Variants in UBE2QL1 observed in about 807,000 individuals in gnomAD.
The protein encoded by UBE2QL1 is ubiquitin-conjugating enzyme E2Q-like protein 1.
UBE2QL1 carries 5 observed loss-of-function variants against 12.6 expected under a neutral mutation model. The ratio of observed to expected loss-of-function variants is 0.40; its 90% CI spans 0.21 to 0.83. UBE2QL1 has a LOEUF of 0.83. Among genes scored for constraint, UBE2QL1 ranks in the 40% least tolerant of loss-of-function variants. The pLI, the probability that UBE2QL1 is intolerant of heterozygous loss-of-function variation, is 0.37. For missense variants in UBE2QL1, 99 were observed against 222.6 expected (o/e 0.44, Z 3.53); for synonymous variants, 96 against 94.5 (o/e 1.02, Z -0.10).
chr5:6,469,526 A>G (rs1380255462), intron 1 of UBE2QL1, among the ~76,000 whole-genome samples: 1 of 147,808 alleles, frequency 6.8e-6, no homozygotes, highest in East Asian at 1.9e-4. Context: ...AATTATGTAT[A>G]TCTATATCCT....
intron 1 of UBE2QL1, among the ~76,000 whole-genome samples, chr5:6,463,002 C>T (rs1739707764): frequency 6.6e-6 from 1 of 152,316 alleles, no homozygotes; most frequent in Non-Finnish European, 1.5e-5. Flanking sequence ...TCAGAGTGTG[C>T]ATCTCTAAAT....
At chr5:6,466,183 C>T (rs1228828862) in intron 1 of UBE2QL1, among the ~76,000 whole-genome samples, 1 of 152,228 alleles carries the variant, frequency 6.6e-6, no homozygotes, top group Admixed American at 6.5e-5. Flanking sequence ...CTAGCCACTT[C>T]TTCCCCTCCC....
chr5:6,469,675 T>C (rs1045571865), intron 1 of UBE2QL1, among the ~76,000 whole-genome samples: 5 of 152,018 alleles, frequency 3.3e-5, no homozygotes, highest in Admixed American at 6.6e-5. Context: ...TATACACTTA[T>C]ATGTTTACAT....
At position 6,478,830 on chromosome 5, in the gene UBE2QL1, G is replaced by C. The variant is rs572941655; in HGVS notation, c.355-12388G>C. On this transcript the variant is annotated intron_variant, in intron 1 of 1. Coordinates refer to ENST00000399816, the MANE Select transcript of UBE2QL1 (RefSeq NM_001145161.3). The surrounding 1 kb of genome is among the most constrained non-coding windows in gnomAD (Gnocchi z 4.5). ...CTGCGCACGTGGGAGAGTGATCCTA[G>C]GACGTGCAGATGCATTCTGTCAGGA... Among the ~76,000 whole-genome samples the C allele has an allele frequency of 1.3e-5, 2 of 152,226 alleles. No homozygotes were observed. The highest frequency in any genetic ancestry group is 1.9e-4 in the East Asian group (1 of 5,178).
chr5:6,471,248 A>G (rs1739907673), intron 1 of UBE2QL1, among the ~76,000 whole-genome samples: 1 of 152,174 alleles, frequency 6.6e-6, no homozygotes, highest in Non-Finnish European at 1.5e-5. Context: ...ATAGCCCATT[A>G]TCCTAAAACT....
chr5:6,459,036 C>T (rs1018169201), intron 1 of UBE2QL1, among the ~76,000 whole-genome samples: 2 of 151,968 alleles, frequency 1.3e-5, no homozygotes, highest in South Asian at 4.2e-4. Context: ...TCCACAGTAG[C>T]GGGTTAGGAT....
intron 1 of UBE2QL1, among the ~76,000 whole-genome samples, chr5:6,450,090 C>CA (rs556701404): frequency 0.15 from 16,987 of 113,324 alleles, 1,139 homozygotes; most frequent in South Asian, 0.22. Context: ...GACCAGACCC[C>CA]CCCCCCCCAC....
chr5:6,450,911 T>C (rs1403632038), intron 1 of UBE2QL1, among the ~76,000 whole-genome samples: 1 of 152,238 alleles, frequency 6.6e-6, no homozygotes, highest in African/African-American at 2.4e-5. Flanking sequence ...GATGAAAGGT[T>C]CATGTGATAG....
At chr5:6,473,562 T>C (rs1734141682) in intron 1 of UBE2QL1, among the ~76,000 whole-genome samples, 1 of 152,232 alleles carries the variant, frequency 6.6e-6, no homozygotes, top group Non-Finnish European at 1.5e-5. Context: ...ACATGGCTAT[T>C]TGTGGAGCAT....
At chr5:6,455,774 C>G (rs1341749682) in intron 1 of UBE2QL1, among the ~76,000 whole-genome samples, 2 of 152,086 alleles carry the variant, frequency 1.3e-5, no homozygotes, top group South Asian at 4.2e-4. Flanking sequence ...CACCAGTAAC[C>G]ACAGCCCAGA....
rs749920377 is a variant in UBE2QL1, at chr5:6,472,144, C to T, written c.355-19074C>T. 2.6e-5 allele frequency among the ~76,000 whole-genome samples: 4 copies of T among 152,150 alleles called. No homozygotes were observed. The East Asian group carries it at 5.8e-4, about 22-fold the overall frequency. ...TCACCCAGAACTTGGGCTGGTGGGC[C>T]GGCTGTGTCACTGTGTGTGTGTCTG... On this transcript the variant is annotated intron_variant, in intron 1 of 1. Transcript: ENST00000399816.
intron 1 of UBE2QL1, among the ~76,000 whole-genome samples, chr5:6,457,637 A>G (rs1739556403): frequency 6.6e-6 from 1 of 152,190 alleles, no homozygotes; most frequent in Non-Finnish European, 1.5e-5. Flanking sequence ...TCCTTGTAGC[A>G]GCCTAAGAGG....
At chr5:6,456,013 G>A (rs1440494930) in intron 1 of UBE2QL1, among the ~76,000 whole-genome samples, 1 of 152,182 alleles carries the variant, frequency 6.6e-6, no homozygotes, top group African/African-American at 2.4e-5. Flanking sequence ...AGACGCAGCT[G>A]CGGAGGGTGG....
Position 6,494,990 on chromosome 5 carries a change from A to G in UBE2QL1, c.*3641A>G, listed in dbSNP as rs905221494. 2 of 152,258 alleles carry G rather than the reference A, an allele frequency of 1.3e-5. No individual in the cohort carries two copies. The highest frequency in any genetic ancestry group is 4.8e-5 in the African/African-American group (2 of 41,464). 9.4% of individuals were successfully genotyped at this position (152,258 alleles called of 1,614,324 possible). A position where few individuals can be genotyped will look rare whatever the true frequency, so the allele number is the denominator to read the frequency against. ...CACTGCAGAAATTAAAGACATGTGC[A>G]AGTCCAGAGATTTTCTGACTGAAAA... On this transcript the variant is annotated 3_prime_UTR_variant, in exon 2 of 2. Coordinates refer to ENST00000399816, the MANE Select transcript of UBE2QL1 (RefSeq NM_001145161.3).
In UBE2QL1 at chr5:6,461,546, C is replaced by A. The variant is rs1017512564; in HGVS notation, c.354+12299C>A. 1.9e-4 allele frequency among the ~76,000 whole-genome samples: 21 copies of A among 112,650 alleles called. 4 individuals are homozygous for A. The highest frequency in any genetic ancestry group is 6.0e-4 in the African/African-American group (19 of 31,552). 73.9% of individuals were successfully genotyped at this position (112,650 alleles called of 152,430 possible). On this transcript the variant is annotated intron_variant, in intron 1 of 1. Coordinates refer to ENST00000399816, the MANE Select transcript of UBE2QL1 (RefSeq NM_001145161.3). The stretch of plus-strand genomic sequence containing the variant: ...CCAGTGTTTTTCAGCACCCACCACC[C>A]CCCCCCGCCGGCATATCATTCTAGG...
intron 1 of UBE2QL1, among the ~76,000 whole-genome samples, chr5:6,475,980 T>C (rs2126358050): frequency 6.6e-6 from 1 of 152,332 alleles, no homozygotes; most frequent in East Asian, 1.9e-4. Context: ...GAAAGAATGC[T>C]TTATGAAATA....
chr5:6,481,143 A>C lies in UBE2QL1; in HGVS notation c.355-10075A>C, dbSNP rs1734350673. 6.6e-6 allele frequency among the ~76,000 whole-genome samples: 1 copy of C among 152,080 alleles called. No individual in the cohort carries two copies. The highest frequency in any genetic ancestry group is 2.4e-5 in the African/African-American group (1 of 41,404). ...CGGAGCGTGCTTCTCGGGCCATTTC[A>C]CCTGTGCACGCTTCGTTGTGGCTGC... On this transcript the variant is annotated intron_variant, in intron 1 of 1. Transcript: ENST00000399816. This position sits in a 1 kb window ranked among gnomAD's most constrained non-coding sequence, Gnocchi z 4.5.
intron 1 of UBE2QL1, among the ~76,000 whole-genome samples, chr5:6,471,594 G>A (rs1739913769): frequency 6.6e-6 from 1 of 152,170 alleles, no homozygotes; most frequent in Non-Finnish European, 1.5e-5. Flanking sequence ...GATCAAAGCT[G>A]CAGTCTTTTG....
chr5:6,482,381 C>T (rs1246120274), intron 1 of UBE2QL1, among the ~76,000 whole-genome samples: 1 of 152,184 alleles, frequency 6.6e-6, no homozygotes, highest in Non-Finnish European at 1.5e-5. Context: ...CACCCCCCAG[C>T]AAGCTCTGAC....
Sources: gnomAD v4.1 joint callset for allele counts (sites outside exome capture counted in the v4.1 genomes callset) on GRCh38, gnomAD v4.1.1 for gene constraint, Gnocchi (gnomAD v3.1) non-coding constraint, MANE v1.5 for transcripts, NCBI Gene and HGNC (gene_info 2026-07-23, HGNC 2026-07-21) for gene names.